The following TAFA4 variants were observed in gnomAD, a reference collection of about 807,000 sequenced individuals.
TAFA4 encodes chemokine-like protein TAFA-4.
Under a neutral mutation model 21.1 loss-of-function variants are expected in TAFA4, and 20 were observed. The observed-to-expected ratio is 0.95, with a 90% confidence interval of 0.67 to 1.38. TAFA4 has a LOEUF of 1.38. Ranked by LOEUF, TAFA4 falls within the 40% of genes most tolerant of loss-of-function variation. TAFA4 has a pLI of 0.00. For missense variants in TAFA4, 211 were observed against 180.9 expected (o/e 1.17, Z -0.95); for synonymous variants, 71 against 67.4 (o/e 1.05, Z -0.26).
At chr3:68,874,322 A>T (rs749953084) in intron 3 of TAFA4, among the ~76,000 whole-genome samples, 2 of 152,138 alleles carry the variant, frequency 1.3e-5, no homozygotes, top group Non-Finnish European at 2.9e-5. Flanking sequence ...CCAGTGTTCT[A>T]TTCTGAGACT....
intron 5 of TAFA4, among the ~76,000 whole-genome samples, chr3:68,735,368 T>G (rs1230338703): frequency 6.6e-6 from 1 of 152,098 alleles, no homozygotes; most frequent in African/African-American, 2.4e-5. Context: ...TTACCTTTGA[T>G]GCAGAGAAAG....
chr3:68,767,260 G>T (rs112028269), intron 3 of TAFA4, among the ~76,000 whole-genome samples: 2,083 of 152,158 alleles, frequency 0.014, 49 homozygotes, highest in African/African-American at 0.047. Flanking sequence ...GTTAGAGAGA[G>T]ATATGGGGCC....
chr3:68,909,817 T>G (rs997505929), intron 1 of TAFA4, among the ~76,000 whole-genome samples: 6 of 152,234 alleles, frequency 3.9e-5, no homozygotes, highest in Non-Finnish European at 4.4e-5. Context: ...ACAGTTTCTT[T>G]GGGTCGGAAG....
At chr3:68,848,965 T>C (rs918105494) in intron 3 of TAFA4, among the ~76,000 whole-genome samples, 5 of 151,674 alleles carry the variant, frequency 3.3e-5, no homozygotes, top group South Asian at 4.2e-4. Flanking sequence ...GCGAGAAAAA[T>C]AAACACACTC....
intron 1 of TAFA4, among the ~76,000 whole-genome samples, chr3:68,888,152 T>C (rs901461986): frequency 1.3e-5 from 2 of 152,118 alleles, no homozygotes; most frequent in Non-Finnish European, 2.9e-5. Context: ...CATCTTCTAA[T>C]GGAATCTTAT....
At chr3:68,819,146 C>T (rs1704054415) in intron 3 of TAFA4, among the ~76,000 whole-genome samples, 1 of 152,090 alleles carries the variant, frequency 6.6e-6, no homozygotes, top group South Asian at 2.1e-4. Flanking sequence ...GTGACACAAA[C>T]CTGCAGTCCC....
chr3:68,764,842 G>C (rs926056376), intron 3 of TAFA4, among the ~76,000 whole-genome samples: 5 of 152,156 alleles, frequency 3.3e-5, no homozygotes, highest in Non-Finnish European at 7.3e-5. Flanking sequence ...TAGTTGCAAA[G>C]ACACAGAAAA....
chr3:68,862,781 ACCACCACTAG>A (rs1157131630), intron 3 of TAFA4, among the ~76,000 whole-genome samples: 1 of 151,466 alleles, frequency 6.6e-6, no homozygotes, highest in African/African-American at 2.4e-5. Flanking sequence ...TGCTACTAAA[ACCACCACTAG>A]CCACAACTGC....
At chr3:68,828,047 T>G (rs975557550) in intron 3 of TAFA4, among the ~76,000 whole-genome samples, 1 of 152,262 alleles carries the variant, frequency 6.6e-6, no homozygotes, top group East Asian at 1.9e-4. Context: ...CCATCTTGAG[T>G]TAATTTTTGT....
chr3:68,854,887 A>G (rs1705031457), intron 3 of TAFA4, among the ~76,000 whole-genome samples: 1 of 152,154 alleles, frequency 6.6e-6, no homozygotes. Flanking sequence ...TCCAAAAATC[A>G]ATCACAACTT....
chr3:68,862,421 T>A (rs558256403), intron 3 of TAFA4, among the ~76,000 whole-genome samples: 2 of 152,264 alleles, frequency 1.3e-5, no homozygotes, highest in Admixed American at 1.3e-4. Context: ...TTGCTGTTCG[T>A]GCCAACAAGC....
At chr3:68,739,769 G>A (rs1049771194) in intron 4 of TAFA4, among the ~76,000 whole-genome samples, 12 of 152,126 alleles carry the variant, frequency 7.9e-5, no homozygotes, top group Admixed American at 7.2e-4. Flanking sequence ...AAATAACCCA[G>A]AAACAAAGTC....
chr3:68,759,983 A>G (rs1185861439), intron 3 of TAFA4, among the ~76,000 whole-genome samples: 2 of 152,158 alleles, frequency 1.3e-5, no homozygotes, highest in African/African-American at 2.4e-5. Context: ...TCTTTGAGAC[A>G]TATTTTTTAA....
intron 3 of TAFA4, among the ~76,000 whole-genome samples, chr3:68,753,842 A>G (rs72922882): frequency 0.13 from 20,220 of 152,192 alleles, 2,178 homozygotes; most frequent in African/African-American, 0.3. Context: ...CTGGATGCTG[A>G]TTCTTCCCCA....
At chr3:68,808,824 C>T (rs1703764719) in intron 3 of TAFA4, among the ~76,000 whole-genome samples, 1 of 152,194 alleles carries the variant, frequency 6.6e-6, no homozygotes, top group Admixed American at 6.5e-5. Context: ...GACTTAATGT[C>T]AAATGTCTAC....
chr3:68,822,933 G>A (rs900885397), intron 3 of TAFA4, among the ~76,000 whole-genome samples: 9 of 152,108 alleles, frequency 5.9e-5, no homozygotes, highest in East Asian at 3.9e-4. Context: ...ACTATGAAGC[G>A]CAAATAAACT....
At chr3:68,836,034 C>T (rs1471877177) in intron 3 of TAFA4, among the ~76,000 whole-genome samples, 3 of 152,204 alleles carry the variant, frequency 2.0e-5, no homozygotes, top group Non-Finnish European at 2.9e-5. Context: ...AAGAAACCTA[C>T]CCCAGCTAGA....
chr3:68,903,806 C>T (rs531743869), intron 1 of TAFA4, among the ~76,000 whole-genome samples: 4 of 152,294 alleles, frequency 2.6e-5, no homozygotes, highest in African/African-American at 9.6e-5. Context: ...CTTCATCAAA[C>T]TCCCAAAGGG....
intron 3 of TAFA4, among the ~76,000 whole-genome samples, chr3:68,828,850 C>G (rs1704313809): frequency 1.3e-5 from 2 of 152,098 alleles, no homozygotes; most frequent in African/African-American, 4.8e-5. Flanking sequence ...TCCTCTTTTC[C>G]TAATTGAATA....
Sources: gnomAD v4.1 joint callset for allele counts (sites outside exome capture counted in the v4.1 genomes callset) on GRCh38, gnomAD v4.1.1 for gene constraint, MANE v1.5 for transcripts, NCBI Gene and HGNC (gene_info 2026-07-23, HGNC 2026-07-21) for gene names.